The following ZCWPW2 variants were observed in gnomAD, a reference collection of about 807,000 sequenced individuals.
ZCWPW2 encodes zinc finger CW-type PWWP domain protein 2.
ZCWPW2 carries 45 observed loss-of-function variants against 46.6 expected under a neutral mutation model. The observed-to-expected ratio is 0.96, with a 90% CI of 0.76 to 1.24. The LOEUF (loss-of-function observed/expected upper bound fraction) is 1.24. Among genes scored for constraint, ZCWPW2 ranks in the 50% most tolerant of loss-of-function variants. ZCWPW2 has a pLI of 0.00. For synonymous variants in ZCWPW2, 152 were observed against 137.1 expected (o/e 1.11, Z -0.76); for missense variants, 429 against 403.9 (o/e 1.06, Z -0.53).
chr3:28,420,344 G>C (rs1414963650), intron 3 of ZCWPW2, among the ~76,000 whole-genome samples: 3 of 151,836 alleles, frequency 2.0e-5, no homozygotes, highest in African/African-American at 7.3e-5. Context: ...CTGTGTCTTT[G>C]TTCTCGTTGG....
chr3:28,505,433 T>C (rs1240172273), intron 6 of ZCWPW2, among the ~76,000 whole-genome samples: 1 of 152,178 alleles, frequency 6.6e-6, no homozygotes, highest in African/African-American at 2.4e-5. Context: ...ATTTGTGTTC[T>C]TTCTATTGAA....
chr3:28,434,695 C>G (rs1009042004), intron 3 of ZCWPW2, among the ~76,000 whole-genome samples: 2 of 152,178 alleles, frequency 1.3e-5, no homozygotes, highest in African/African-American at 4.8e-5. Flanking sequence ...CTCTCTCCCA[C>G]GCCATCAGAA....
chr3:28,384,953 C>G (rs960687552), intron 1 of ZCWPW2, among the ~76,000 whole-genome samples: 5 of 152,116 alleles, frequency 3.3e-5, no homozygotes, highest in African/African-American at 9.7e-5. Flanking sequence ...GTTTTACATA[C>G]ATTTCTACTT....
intron 2 of ZCWPW2, among the ~76,000 whole-genome samples, chr3:28,405,016 A>C (rs1378549017): frequency 6.6e-6 from 1 of 152,216 alleles, no homozygotes; most frequent in Non-Finnish European, 1.5e-5. Context: ...CCTGTTCCCC[A>C]ATAACCAATG....
chr3:28,458,094 ATAGT>A (rs1698489915), intron 4 of ZCWPW2, among the ~76,000 whole-genome samples: 1 of 152,158 alleles, frequency 6.6e-6, no homozygotes, highest in Non-Finnish European at 1.5e-5. Flanking sequence ...ACCATCTTTG[ATAGT>A]TAGGCATTAG....
In ZCWPW2 at chr3:28,417,700, G is replaced by T. The variant is rs1481535123; in HGVS notation, c.332+4300G>T. Among the ~76,000 whole-genome samples, 6 of 122,268 alleles carry T rather than the reference G, an allele frequency of 4.9e-5. No individual in the cohort carries two copies. In the Admixed American group the frequency reaches 5.4e-4, roughly 11 times the overall value. 80.2% of individuals were successfully genotyped at this position (122,268 alleles called of 152,430 possible). On this transcript the variant is annotated intron_variant, in intron 3 of 9. Coordinates refer to ENST00000383768, the MANE Select transcript of ZCWPW2 (RefSeq NM_001040432.4). ...GTGGGCTTCATCCCTGGGATGCAAGGCTGGTTCAACATACGAAAATCAATA... is the reference window on the plus strand; with the variant it reads ...GTGGGCTTCATCCCTGGGATGCAAGTCTGGTTCAACATACGAAAATCAATA...
At chr3:28,443,550 T>C (rs1457956767) in intron 4 of ZCWPW2, among the ~76,000 whole-genome samples, 1 of 152,150 alleles carries the variant, frequency 6.6e-6, no homozygotes, top group African/African-American at 2.4e-5. Context: ...TCTAGGAACA[T>C]TGTGATTAAC....
At chr3:28,404,163 T>C (rs1696059900) in intron 2 of ZCWPW2, among the ~76,000 whole-genome samples, 1 of 151,300 alleles carries the variant, frequency 6.6e-6, no homozygotes, top group Non-Finnish European at 1.5e-5. Flanking sequence ...ATCCAGAATC[T>C]ACAATGAACT....
chr3:28,515,745 G>GTGTT, intron 8 of ZCWPW2, 124 bp downstream of exon 8: 1 of 720,402 alleles, frequency 1.4e-6, no homozygotes, highest in Non-Finnish European at 2.2e-6. Context: ...GTGTGTGTGT[G>GTGTT]TATACACATA....
chr3:28,510,175 C>G (rs1455004529), intron 6 of ZCWPW2, among the ~76,000 whole-genome samples: 3 of 152,090 alleles, frequency 2.0e-5, no homozygotes, highest in Non-Finnish European at 4.4e-5. Flanking sequence ...TTCTTCTGTT[C>G]TTATTCCAGT....
chr3:28,391,353 CCACA>C (rs111706300), intron 2 of ZCWPW2, among the ~76,000 whole-genome samples: 24 of 148,716 alleles, frequency 1.6e-4, no homozygotes, highest in African/African-American at 3.7e-4. Context: ...CCTCTCCCTG[CCACA>C]CACACACACA....
At chr3:28,428,673 A>G (rs1484849165) in intron 3 of ZCWPW2, among the ~76,000 whole-genome samples, 1 of 152,164 alleles carries the variant, frequency 6.6e-6, no homozygotes, top group Non-Finnish European at 1.5e-5. Flanking sequence ...TGTAATCTCC[A>G]CGTGTTGGGG....
intron 4 of ZCWPW2, among the ~76,000 whole-genome samples, chr3:28,474,635 G>A (rs930741687): frequency 3.3e-5 from 5 of 151,576 alleles, no homozygotes; most frequent in Admixed American, 3.3e-4. Context: ...GCGCGCGCGC[G>A]CGCACATGCG....
intron 1 of ZCWPW2, among the ~76,000 whole-genome samples, chr3:28,353,090 A>G (rs149357849): frequency 9.2e-5 from 14 of 152,204 alleles, no homozygotes; most frequent in African/African-American, 2.9e-4. Context: ...AGGCTCAGGC[A>G]CGAGAATTGC....
intron 2 of ZCWPW2, among the ~76,000 whole-genome samples, chr3:28,408,361 C>A (rs530232198): frequency 4.6e-5 from 7 of 152,308 alleles, no homozygotes; most frequent in African/African-American, 1.4e-4. Flanking sequence ...CAAAATCCTA[C>A]ATGATTGAGT....
At chr3:28,414,166 T>C (rs1696535807) in intron 3 of ZCWPW2, among the ~76,000 whole-genome samples, 1 of 152,002 alleles carries the variant, frequency 6.6e-6, no homozygotes, top group Non-Finnish European at 1.5e-5. Context: ...CTATCGTTTG[T>C]ATTACCTTTT....
intron 2 of ZCWPW2, among the ~76,000 whole-genome samples, chr3:28,406,567 G>C (rs963589313): frequency 6.6e-6 from 1 of 151,128 alleles, no homozygotes; most frequent in East Asian, 1.9e-4. Flanking sequence ...ATGTTTAAAT[G>C]TAAAAATATG....
At chr3:28,367,350 G>C (rs554405086) in intron 1 of ZCWPW2, among the ~76,000 whole-genome samples, 1 of 152,242 alleles carries the variant, frequency 6.6e-6, no homozygotes, top group South Asian at 2.1e-4. Flanking sequence ...TTGTGTCTTT[G>C]TTCTCGTTTG....
intron 4 of ZCWPW2, among the ~76,000 whole-genome samples, chr3:28,441,974 A>T (rs78743221): frequency 1.3e-5 from 2 of 152,140 alleles, no homozygotes; most frequent in African/African-American, 2.4e-5. Context: ...GGGCCTGCCA[A>T]AGGCTCCAGA....
Sources: allele counts gnomAD v4.1 joint callset (sites outside exome capture counted in the v4.1 genomes callset), GRCh38; gene constraint gnomAD v4.1.1; transcripts MANE v1.5; gene names NCBI Gene and HGNC (gene_info 2026-07-23, HGNC 2026-07-21).